NECAB2: variants seen among roughly 807,000 people sequenced by gnomAD.
NECAB2 encodes N-terminal EF-hand calcium-binding protein 2.
Under a neutral mutation model 51.9 loss-of-function variants are expected in NECAB2, and 68 were observed. The observed-to-expected ratio is 1.31, with a 90% CI of 1.08 to 1.60. NECAB2 has a LOEUF of 1.60. Ranked by LOEUF, NECAB2 falls within the 40% of genes most tolerant of loss-of-function variation. The pLI is 0.00. For synonymous variants in NECAB2, 329 were observed against 203.5 expected (o/e 1.62, Z -5.25); for missense variants, 854 against 490.3 (o/e 1.74, Z -7.00).
chr16:83,971,214 G>T (rs1379895168), intron 1 of NECAB2, among the ~76,000 whole-genome samples: 1 of 152,194 alleles, frequency 6.6e-6, no homozygotes, highest in Non-Finnish European at 1.5e-5. Context: ...AGCTCCTGCA[G>T]GACCCAAACA....
intron 5 of NECAB2, among the ~76,000 whole-genome samples, chr16:83,985,100 G>A (rs77551376): frequency 0.14 from 20,523 of 151,218 alleles, 3,186 homozygotes; most frequent in African/African-American, 0.39. Flanking sequence ...ATCACCTGAG[G>A]TCAGGAGTTT....
intron 5 of NECAB2, among the ~76,000 whole-genome samples, chr16:83,983,367 A>G (rs2084512872): frequency 1.3e-5 from 2 of 152,024 alleles, no homozygotes; most frequent in Non-Finnish European, 2.9e-5. Flanking sequence ...TCATGTTCTA[A>G]AACGTCGTGG....
intron 11 of NECAB2, among the ~76,000 whole-genome samples, chr16:84,001,043 G>A (rs1215217021): frequency 6.6e-6 from 1 of 152,104 alleles, no homozygotes; most frequent in Non-Finnish European, 1.5e-5. Context: ...GGTTGCTTCT[G>A]TGCCCCTAGA....
chr16:83,998,655 G>C (rs76175249), intron 10 of NECAB2, among the ~76,000 whole-genome samples: 1 of 152,188 alleles, frequency 6.6e-6, no homozygotes, highest in Admixed American at 6.5e-5. Flanking sequence ...TGCCCCGTGC[G>C]CTCAGTCAGC....
chr16:83,999,608 A>G (rs1005376005), intron 10 of NECAB2, among the ~76,000 whole-genome samples: 1 of 152,004 alleles, frequency 6.6e-6, no homozygotes, highest in South Asian at 2.1e-4. Context: ...CTTTATGGTC[A>G]CTTGGGGCTT....
At position 83,997,203 on chromosome 16, in the gene NECAB2, T is replaced by G. The variant is rs202073191; in HGVS notation, c.796-13T>G. 2.4e-5 allele frequency: 39 copies of G among 1,614,104 alleles called. No homozygotes were observed. The East Asian group carries it at 2.9e-4, about 12-fold the overall frequency. The stretch of plus-strand genomic sequence containing the variant: ...CTCTGGGTCTAGCATCACTGTGTGC[T>G]GGATTGTTTCAGGCACTGTGGTTCG... On this transcript the variant is annotated splice_polypyrimidine_tract_variant and intron_variant, in intron 8 of 12. Transcript: ENST00000305202.
At chr16:83,995,469 C>T (rs2084684871) in intron 8 of NECAB2, among the ~76,000 whole-genome samples, 2 of 152,120 alleles carry the variant, frequency 1.3e-5, no homozygotes, top group African/African-American at 4.8e-5. Flanking sequence ...TCCGGTTTAG[C>T]ACAGGGCCCG....
intron 2 of NECAB2, among the ~76,000 whole-genome samples, chr16:83,973,578 C>T (rs568314319): frequency 6.6e-6 from 1 of 152,096 alleles, no homozygotes; most frequent in Non-Finnish European, 1.5e-5. Flanking sequence ...CCTGAAAAGC[C>T]TTGGAGATGA....
At position 84,000,802 on chromosome 16, in the gene NECAB2, G is replaced by T; in HGVS notation, c.1040+1G>T. On this transcript the variant is annotated splice_donor_variant, in intron 11 of 12. Coordinates refer to ENST00000305202, the MANE Select transcript of NECAB2 (RefSeq NM_019065.3). LOFTEE classifies it high-confidence loss of function. ...GGGAGACAGAGGAGGCGTGGAAGAGGTGAGATGCTGGGTCCCCACAGCAGG... is the reference window on the plus strand; with the variant it reads ...GGGAGACAGAGGAGGCGTGGAAGAGTTGAGATGCTGGGTCCCCACAGCAGG... The T allele has an allele frequency of 6.2e-7, 1 of 1,613,452 alleles. No homozygotes were observed. The highest frequency in any genetic ancestry group is 8.5e-7 in the Non-Finnish European group (1 of 1,179,898).
chr16:83,990,366 G>A, intron 5 of NECAB2, 128 bp from the exon 6 acceptor site: 1 of 1,227,834 alleles, frequency 8.1e-7, no homozygotes. Context: ...AGGAGGCCGT[G>A]GGGTCCTCCC....
At chr16:84,002,244 C>T in intron 12 of NECAB2, 74 bp from the exon 13 acceptor site, 3 of 1,559,274 alleles carry the variant, frequency 1.9e-6, no homozygotes, top group Non-Finnish European at 8.8e-7. Context: ...ACCTGTCATT[C>T]AAGACGACCA....
At chr16:83,986,178 G>A (rs747763352) in intron 5 of NECAB2, among the ~76,000 whole-genome samples, 6 of 151,996 alleles carry the variant, frequency 3.9e-5, no homozygotes, top group African/African-American at 7.3e-5. Flanking sequence ...CACCACGCCC[G>A]GCTAATTTTT....
chr16:84,000,828 TG>T lies in NECAB2; in HGVS notation c.1040+28del, dbSNP rs759192505. On this transcript the variant is annotated intron_variant, in intron 11 of 12. Transcript: ENST00000305202. ...TGAGATGCTGGGTCCCCACAGCAGG[TG>T]AGGGAGACAGAGGGAAGTGGGGGGG... 151 of 1,603,688 alleles carry T rather than the reference TG, an allele frequency of 9.4e-5. 1 individual carries two copies. Among genetic ancestry groups the T allele is most frequent in the Non-Finnish European group, 1.3e-4 (147 of 1,174,446 alleles).
chr16:83,969,095 A>G (rs538683140), intron 1 of NECAB2, among the ~76,000 whole-genome samples: 1 of 150,020 alleles, frequency 6.7e-6, no homozygotes, highest in Non-Finnish European at 1.5e-5. Flanking sequence ...CGCTTCTCGG[A>G]GTCCCTGCCT....
At chr16:83,981,453 A>C (rs1347654746) in intron 5 of NECAB2, among the ~76,000 whole-genome samples, 1 of 124,920 alleles carries the variant, frequency 8.0e-6, no homozygotes, top group Admixed American at 8.6e-5. Flanking sequence ...TGGGCTTACA[A>C]GACTGGAAGA....
intron 12 of NECAB2, 81 bp downstream of exon 12, chr16:84,001,997 C>G: frequency 6.9e-7 from 1 of 1,454,806 alleles, no homozygotes; most frequent in South Asian, 1.2e-5. Flanking sequence ...CCATATCTCC[C>G]GGGGACTTGC....
upstream of NECAB2, among the ~76,000 whole-genome samples, chr16:83,968,057 TGTTCTGGGGTGAAGACTG>T (rs564367142): frequency 5.9e-4 from 90 of 151,806 alleles, no homozygotes; most frequent in African/African-American, 2.1e-3. Context: ...GAAGGAAAGA[TGTTCTGGGGTGAAGACTG>T]GTTCTGGGCG....
intron 2 of NECAB2, among the ~76,000 whole-genome samples, chr16:83,973,421 C>G (rs78642971): frequency 0.049 from 7,419 of 152,274 alleles, 572 homozygotes; most frequent in African/African-American, 0.16. Flanking sequence ...CCACCCTGGC[C>G]TCCTGCATCC....
chr16:83,976,436 G>C (rs1444743210), intron 2 of NECAB2, among the ~76,000 whole-genome samples: 1 of 152,180 alleles, frequency 6.6e-6, no homozygotes, highest in Non-Finnish European at 1.5e-5. Context: ...TCCGTGGAAG[G>C]TACTCCACGT....
Sources: allele counts gnomAD v4.1 joint callset (sites outside exome capture counted in the v4.1 genomes callset), GRCh38; gene constraint gnomAD v4.1.1; transcripts MANE v1.5; gene names NCBI Gene and HGNC (gene_info 2026-07-23, HGNC 2026-07-21).